The following PHACTR4 variants were observed in gnomAD, a reference collection of about 807,000 sequenced individuals.
The protein encoded by PHACTR4 is phosphatase and actin regulator 4.
A neutral mutation model predicts 72.7 loss-of-function variants in PHACTR4; 51 were observed. The observed-to-expected ratio is 0.70, with a 90% CI of 0.56 to 0.89. The LOEUF (loss-of-function observed/expected upper bound fraction) is 0.89. Among genes scored for constraint, PHACTR4 ranks in the 40% least tolerant of loss-of-function variants. The probability of loss-of-function intolerance (pLI) is 0.00; values close to 1 mark genes in which losing one functional copy is unlikely to be tolerated. For synonymous variants in PHACTR4, 255 were observed against 302.5 expected (o/e 0.84, Z 1.63); for missense variants, 731 against 861.8 (o/e 0.85, Z 1.90).
intron 6 of PHACTR4, among the ~76,000 whole-genome samples, chr1:28,468,035 A>G (rs1399899252): frequency 2.0e-5 from 3 of 152,228 alleles, no homozygotes; most frequent in Non-Finnish European, 4.4e-5. Context: ...AATATTTAAT[A>G]TCACCATGTT....
Position 28,474,062 on chromosome 1 carries a change from G to A in PHACTR4, c.1332G>A (p.Leu444=). The A allele has an allele frequency of 6.2e-7, 1 of 1,614,206 alleles. No homozygotes were observed. Among genetic ancestry groups the A allele is most frequent in the Middle Eastern group, 1.6e-4 (1 of 6,062 alleles). Residue 444 remains leucine, a synonymous_variant, in exon 7 of 14, where the codon TTG becomes TTA. Transcript: ENST00000373839. ...AGGGTTCTCACAGAGCTCATTCGTT[G>A]CTTTTTGAAAACAGTGACAGCTTTT... The part of the protein sequence containing the change: ...ILEGSHRAHS[L]LFENSDSFSE...
At chr1:28,383,591 T>C (rs1652351713) in intron 1 of PHACTR4, among the ~76,000 whole-genome samples, 3 of 152,082 alleles carry the variant, frequency 2.0e-5, no homozygotes, top group Non-Finnish European at 4.4e-5. Flanking sequence ...TATTCCTAGG[T>C]ATTTGTGTGT....
Position 28,476,183 on chromosome 1 carries a change from C to G in PHACTR4, c.1498C>G (p.Pro500Ala), listed in dbSNP as rs141772598. ...AGAAATGACACCTACCTCAGTCATT[C>G]CTAAATTACCACAGTGTCTACGGGA... ...SEEMTPTSVIPKLPQCLREEE... is the reference protein window; with the variant it reads ...SEEMTPTSVIAKLPQCLREEE... Residue 500 changes from proline to alanine, a missense_variant, in exon 8 of 14, where the codon CCT (proline) becomes GCT (alanine). Physicochemically the swap from Pro to Ala is conservative, Grantham distance 27. Around this residue, in one of 2 missense-constraint regions of PHACTR4, gnomAD observed 621 missense variants for 676.6 expected, o/e 0.92. Transcript: ENST00000373839. The G allele has an allele frequency of 1.9e-4, 299 of 1,613,478 alleles. No homozygotes were observed. In the Middle Eastern group the frequency reaches 2.0e-3, roughly 11 times the overall value.
At chr1:28,492,915 A>G in intron 12 of PHACTR4, 100 bp from the exon 13 acceptor site, 1 of 996,964 alleles carries the variant, frequency 1.0e-6, no homozygotes, top group Non-Finnish European at 1.5e-6. Flanking sequence ...GAGGGGTTGC[A>G]GTGACTTACA....
chr1:28,450,732 G>A (rs546001905), intron 2 of PHACTR4, among the ~76,000 whole-genome samples: 7 of 151,934 alleles, frequency 4.6e-5, no homozygotes, highest in South Asian at 4.2e-4. Flanking sequence ...CAGTTCCCTC[G>A]CCTTAGCCTA....
At chr1:28,415,939 T>G (rs112851088) in intron 2 of PHACTR4, among the ~76,000 whole-genome samples, 115 of 152,330 alleles carry the variant, frequency 7.5e-4, no homozygotes, top group African/African-American at 2.7e-3. Flanking sequence ...TATGAATTAT[T>G]ATGATGATGC....
chr1:28,442,198 G>A (rs534196910), intron 2 of PHACTR4, among the ~76,000 whole-genome samples: 15 of 152,152 alleles, frequency 9.9e-5, no homozygotes, highest in Non-Finnish European at 1.9e-4. Flanking sequence ...TGGGCGCAGT[G>A]TCTCATGCCT....
At position 28,457,806 on chromosome 1, in the gene PHACTR4, A is replaced by G. The variant is rs138834692; in HGVS notation, c.17-1279A>G. On this transcript the variant is annotated intron_variant, in intron 2 of 13. Coordinates refer to ENST00000373839, the MANE Select transcript of PHACTR4 (RefSeq NM_001048183.3). ...TTTAATTTCAGGATGGTTTTTCCAC[A>G]TGACTCTTTTTTTCTTCCTCTCTAG... The G allele has an allele frequency of 2.0e-3, 1,987 of 985,130 alleles. 22 individuals carry two copies. The African/African-American group carries it at 0.032, about 16-fold the overall frequency. The allele number at this position is 985,130 out of a possible 1,614,324, so 61.0% of individuals were successfully genotyped here.
chr1:28,457,614 T>C (rs1309367140), intron 2 of PHACTR4, among the ~76,000 whole-genome samples: 2 of 151,574 alleles, frequency 1.3e-5, no homozygotes, highest in African/African-American at 4.8e-5. Flanking sequence ...AAAATAATAA[T>C]AATAATAATA....
At chr1:28,400,780 A>G (rs775467722) in intron 1 of PHACTR4, among the ~76,000 whole-genome samples, 1 of 151,992 alleles carries the variant, frequency 6.6e-6, no homozygotes, top group Non-Finnish European at 1.5e-5. Flanking sequence ...GGGTTTCCCT[A>G]TGTTGGCCAG....
intron 1 of PHACTR4, among the ~76,000 whole-genome samples, chr1:28,380,827 T>C (rs1029909226): frequency 2.6e-5 from 4 of 152,060 alleles, no homozygotes; most frequent in African/African-American, 9.7e-5. Flanking sequence ...GTCTTTATAA[T>C]AGAATGATTT....
intron 3 of PHACTR4, among the ~76,000 whole-genome samples, chr1:28,459,659 C>A (rs1307198318): frequency 6.6e-6 from 1 of 152,094 alleles, no homozygotes; most frequent in Non-Finnish European, 1.5e-5. Context: ...ACCTCAGCCT[C>A]CCAAAGTGCT....
intron 8 of PHACTR4, among the ~76,000 whole-genome samples, chr1:28,479,419 C>CAAAAAA (rs1019186726): frequency 3.2e-5 from 2 of 61,590 alleles, no homozygotes; most frequent in African/African-American, 9.3e-5. Flanking sequence ...GACTCTGTCG[C>CAAAAAA]AAAAAAAAAA....
chr1:28,442,179 T>G (rs531767087), intron 2 of PHACTR4, among the ~76,000 whole-genome samples: 2 of 151,986 alleles, frequency 1.3e-5, no homozygotes, highest in Non-Finnish European at 2.9e-5. Context: ...TTAAATGTAT[T>G]TTTTTGGCTG....
At chr1:28,430,246 G>T (rs1569924025) in intron 2 of PHACTR4, among the ~76,000 whole-genome samples, 1 of 152,082 alleles carries the variant, frequency 6.6e-6, no homozygotes, top group South Asian at 2.1e-4. Flanking sequence ...GGATGGTCTT[G>T]ATCTGCTGAC....
chr1:28,390,369 C>T (rs529537003), intron 1 of PHACTR4, among the ~76,000 whole-genome samples: 2 of 152,184 alleles, frequency 1.3e-5, no homozygotes, highest in African/African-American at 4.8e-5. Flanking sequence ...CTCAATCTTA[C>T]AATTCTCATA....
intron 2 of PHACTR4, among the ~76,000 whole-genome samples, chr1:28,414,059 T>C (rs1018309029): frequency 6.6e-6 from 1 of 152,144 alleles, no homozygotes; most frequent in Admixed American, 6.5e-5. Context: ...ATTTTACTTG[T>C]ATTTGTATTT....
rs118018971 is a variant in PHACTR4 at position 28,407,561 on chromosome 1, G to A, written c.16+98G>A. 1,841 of 1,024,016 alleles carry A rather than the reference G, an allele frequency of 1.8e-3. 38 individuals are homozygous for A. In the East Asian group the frequency reaches 0.038, roughly 21 times the overall value. The allele number at this position is 1,024,016 out of a possible 1,614,324, so 63.4% of individuals were successfully genotyped here. A position where few individuals can be genotyped will look rare whatever the true frequency, so the allele number is the denominator to read the frequency against. Reference sequence around the variant, plus strand: ...GTAAATTGGTTTTTTTTCATATTCAGTATGCTACTCTCTAGAATAATGGGT... The same window carrying A: ...GTAAATTGGTTTTTTTTCATATTCAATATGCTACTCTCTAGAATAATGGGT... On this transcript the variant is annotated intron_variant, in intron 2 of 13. Transcript: ENST00000373839.
chr1:28,487,537 A>AAG (rs1553205919), intron 9 of PHACTR4, among the ~76,000 whole-genome samples: 4,269 of 145,950 alleles, frequency 0.029, 187 homozygotes, highest in African/African-American at 0.09. Flanking sequence ...AAAAAAAAAA[A>AAG]GGAAGGTCTT....
Sources: allele counts gnomAD v4.1 joint callset (sites outside exome capture counted in the v4.1 genomes callset), GRCh38; gene constraint gnomAD v4.1.1; regional missense constraint gnomAD v4.1.1; transcripts MANE v1.5; gene names NCBI Gene and HGNC (gene_info 2026-07-23, HGNC 2026-07-21).